The following LRRC37A2 variants were observed in gnomAD, a reference collection of about 807,000 sequenced individuals.
The protein encoded by LRRC37A2 is leucine rich repeat containing 37 member A2, also known as leucine-rich repeat-containing protein 37A2.
In LRRC37A2, 9 loss-of-function variants were observed where a neutral mutation model predicts 68.8. That is an observed-to-expected ratio of 0.13 (90% CI 0.08 to 0.23). LRRC37A2 has a LOEUF of 0.23. LRRC37A2 is among the 10% of genes least tolerant of loss of function. LRRC37A2 has a pLI of 1.00. For missense variants in LRRC37A2, 168 were observed against 950.4 expected, an observed-to-expected ratio of 0.18 and a Z score of 10.82; for synonymous variants, 63 against 367.6, an observed-to-expected ratio of 0.17 and a Z score of 9.48.
At chr17:47,049,098 A>G in the LRRC37A2 span, 28 of 865,158 alleles carry the variant, frequency 3.2e-5, no homozygotes, top group Non-Finnish European at 4.9e-5. Context: ...AATGGCACTC[A>G]AATGTTTGCT....
the LRRC37A2 span, among the ~76,000 whole-genome samples, chr17:46,499,419 C>T: frequency 4.7e-5 from 7 of 149,674 alleles, no homozygotes; most frequent in Non-Finnish European, 7.4e-5. Flanking sequence ...AGTCTGAAAA[C>T]GCAGGAGTCA....
At chr17:46,705,412 T>C in the LRRC37A2 span, among the ~76,000 whole-genome samples, 1 of 151,946 alleles carries the variant, frequency 6.6e-6, no homozygotes, top group African/African-American at 2.4e-5. Context: ...AAAATGGTCA[T>C]AGTTGGAGCT....
the LRRC37A2 span, chr17:46,966,892 C>G: frequency 2.5e-6 from 1 of 398,866 alleles, no homozygotes. Flanking sequence ...TAATTAGCAC[C>G]TTAAAGGGAA....
At chr17:46,930,920 A>G in the LRRC37A2 span, 4,136 of 614,010 alleles carry the variant, frequency 6.7e-3, 16 homozygotes, top group Non-Finnish European at 0.01. Context: ...CTTTTTTCAA[A>G]ACAACATTTA....
At chr17:46,974,429 G>T in the LRRC37A2 span, among the ~76,000 whole-genome samples, 1 of 152,184 alleles carries the variant, frequency 6.6e-6, no homozygotes, top group Non-Finnish European at 1.5e-5. Flanking sequence ...CCAATGTGTT[G>T]TGGGGAGCAA....
the LRRC37A2 span, among the ~76,000 whole-genome samples, chr17:46,734,297 A>G: frequency 3.0e-4 from 45 of 152,330 alleles, no homozygotes; most frequent in East Asian, 2.7e-3. Flanking sequence ...AATAAGATAT[A>G]TAACCACTTT....
chr17:46,941,900 G>T, the LRRC37A2 span: 1 of 984,118 alleles, frequency 1.0e-6, no homozygotes, highest in Non-Finnish European at 1.2e-6. Flanking sequence ...AGGTGATTCT[G>T]ATGTGTGTAT....
intron 6 of LRRC37A2, among the ~76,000 whole-genome samples, chr17:46,525,672 AG>A (rs2052644391): frequency 8.3e-6 from 1 of 120,162 alleles, no homozygotes. Context: ...ACAATTATGT[AG>A]GCAACACCAG....
chr17:46,931,759 A>G, the LRRC37A2 span: 23 of 453,784 alleles, frequency 5.1e-5, no homozygotes, highest in Non-Finnish European at 2.8e-5. Flanking sequence ...TAATCCATAG[A>G]AGGTCAAGAA....
At chr17:46,836,288 C>T in the LRRC37A2 span, among the ~76,000 whole-genome samples, 139 of 152,196 alleles carry the variant, frequency 9.1e-4, 4 homozygotes, top group African/African-American at 3.3e-3. Context: ...CAGGGAAATC[C>T]AGGGCTGCAG....
chr17:46,862,470 T>C, the LRRC37A2 span, among the ~76,000 whole-genome samples: 2 of 152,208 alleles, frequency 1.3e-5, no homozygotes, highest in Non-Finnish European at 1.5e-5. Flanking sequence ...AAAAAACTTG[T>C]AGTTTTCTGA....
the LRRC37A2 span, among the ~76,000 whole-genome samples, chr17:46,791,035 G>A: frequency 3.9e-5 from 6 of 152,072 alleles, no homozygotes; most frequent in Non-Finnish European, 7.4e-5. Flanking sequence ...TTTCTTAGCT[G>A]TGCAGTGGGG....
chr17:46,496,625 A>C, the LRRC37A2 span, among the ~76,000 whole-genome samples: 100 of 120,292 alleles, frequency 8.3e-4, 1 homozygote, highest in Admixed American at 2.4e-3. Context: ...AAAAAACAAA[A>C]CAAAACAGGC....
the LRRC37A2 span, among the ~76,000 whole-genome samples, chr17:46,882,149 C>G: frequency 6.6e-6 from 1 of 152,140 alleles, no homozygotes; most frequent in East Asian, 1.9e-4. Flanking sequence ...GAGTGAGACC[C>G]TGTCTCTAAA....
At chr17:46,939,658 A>G in the LRRC37A2 span, 10 of 985,600 alleles carry the variant, frequency 1.0e-5, no homozygotes, top group Non-Finnish European at 9.6e-6. Context: ...CCTGAAATAT[A>G]TTAGCACCTG....
the LRRC37A2 span, among the ~76,000 whole-genome samples, chr17:46,466,919 A>G: frequency 3.7e-4 from 38 of 102,340 alleles, 14 homozygotes; most frequent in Non-Finnish European, 6.1e-4. Context: ...ATCTACAACT[A>G]TCTGATCTTT....
the LRRC37A2 span, chr17:46,929,580 G>T: frequency 1.4e-6 from 2 of 1,475,538 alleles, no homozygotes; most frequent in African/African-American, 2.8e-5. Context: ...AGCAGTCTGT[G>T]CACAGTGAGT....
the LRRC37A2 span, among the ~76,000 whole-genome samples, chr17:46,870,367 C>A: frequency 5.9e-5 from 9 of 152,224 alleles, no homozygotes; most frequent in African/African-American, 2.2e-4. Context: ...TTCTCTGGAC[C>A]TGCCAAGGGT....
the LRRC37A2 span, among the ~76,000 whole-genome samples, chr17:47,026,172 TG>T: frequency 6.6e-6 from 1 of 152,192 alleles, no homozygotes; most frequent in African/African-American, 2.4e-5. Flanking sequence ...AATAGGACTT[TG>T]AAGGGCCATT....
Sources: allele counts gnomAD v4.1 joint callset (sites outside exome capture counted in the v4.1 genomes callset), GRCh38; gene constraint gnomAD v4.1.1; transcripts MANE v1.5; gene names NCBI Gene and HGNC (gene_info 2026-07-23, HGNC 2026-07-21).